MAOA: variants seen among roughly 807,000 people sequenced by gnomAD.
MAOA encodes the protein monoamine oxidase A, also known as amine oxidase [flavin-containing] A.
A neutral mutation model predicts 42.0 loss-of-function variants in MAOA; 6 were observed. The observed-to-expected ratio is 0.14, with a 90% CI of 0.08 to 0.28. The LOEUF (loss-of-function observed/expected upper bound fraction) is 0.28. MAOA is among the 10% of genes least tolerant of loss of function. The probability of loss-of-function intolerance (pLI) is 1.00; values close to 1 mark genes in which losing one functional copy is unlikely to be tolerated. For missense variants in MAOA, 262 were observed against 422.3 expected, an observed-to-expected ratio of 0.62 and a Z score of 3.33; for synonymous variants, 140 against 154.0, an observed-to-expected ratio of 0.91 and a Z score of 0.67.
chrX:43,674,479 T>A (rs2033371511), intron 1 of MAOA, among the ~76,000 whole-genome samples: 2 of 110,321 alleles, frequency 1.8e-5, no homozygotes, highest in Middle Eastern at 4.6e-3. Context: ...GTGAATTTGA[T>A]CCTGTCATTA....
intron 6 of MAOA, 35 bp from the exon 7 acceptor site, chrX:43,731,206 A>G: frequency 8.3e-7 from 1 of 1,200,894 alleles, no homozygotes; most frequent in Non-Finnish European, 1.1e-6. Context: ...TTGGGCTTTC[A>G]TAATGTTTCC....
chrX:43,681,397 C>G (rs548037252), intron 1 of MAOA, among the ~76,000 whole-genome samples: 1 of 111,149 alleles, frequency 9.0e-6, no homozygotes, highest in Admixed American at 9.6e-5. Flanking sequence ...TTCTTTATCT[C>G]CATGCTAAAA....
intron 1 of MAOA, 74 bp from the exon 2 acceptor site, chrX:43,683,439 G>A: frequency 1.4e-6 from 1 of 721,379 alleles, no homozygotes; most frequent in Non-Finnish European, 2.2e-6. Flanking sequence ...GCATTTATTT[G>A]ATGTGTAGAC....
chrX:43,655,928 CCTG>C (rs2033174858), upstream of MAOA: 1 of 202,833 alleles, frequency 4.9e-6, no homozygotes, highest in African/African-American at 2.9e-5. Flanking sequence ...ACAAGCACCT[CCTG>C]CACCCCATAA....
chrX:43,655,717 C>T (rs2033172810), upstream of MAOA: 3 of 114,349 alleles, frequency 2.6e-5, no homozygotes, highest in Non-Finnish European at 5.5e-5. Flanking sequence ...AACCTGACCT[C>T]AGTGTCCGAC....
In MAOA at chrX:43,693,805, G is replaced by A. The variant is rs548610222; in HGVS notation, c.306+377G>A. Among the ~76,000 whole-genome samples the A allele has an allele frequency of 8.7e-5, 9 of 103,780 alleles. No homozygotes were observed. In the East Asian group the frequency reaches 2.0e-3, roughly 24 times the overall value. The allele number at this position is 103,780 out of a possible 115,157, so 90.1% of individuals were successfully genotyped here. ...TACACACACACACACACACACACAC[G>A]CACACTCCCCTCCCCCAGCTACAGG... On this transcript the variant is annotated intron_variant, in intron 3 of 14. Coordinates refer to ENST00000338702, the MANE Select transcript of MAOA (RefSeq NM_000240.4).
At chrX:43,721,380 G>C (rs941892936) in intron 5 of MAOA, among the ~76,000 whole-genome samples, 1 of 111,812 alleles carries the variant, frequency 8.9e-6, no homozygotes, top group African/African-American at 3.3e-5. Flanking sequence ...TCTAGAGGCT[G>C]ATAGTGCAGG....
At chrX:43,689,285 C>T (rs1411323533) in intron 2 of MAOA, among the ~76,000 whole-genome samples, 1 of 111,619 alleles carries the variant, frequency 9.0e-6, no homozygotes, top group African/African-American at 3.3e-5. Flanking sequence ...AAACTTGGTC[C>T]ATCTATATTT....
intron 4 of MAOA, 96 bp downstream of exon 4, chrX:43,712,072 C>A: frequency 1.5e-6 from 1 of 659,200 alleles, no homozygotes; most frequent in Non-Finnish European, 2.5e-6. Context: ...TTGCTCTGGA[C>A]ACCAATGCAT....
rs368648935 is a variant in MAOA, at chrX:43,681,881, T to TATATA, written c.74-1632_74-1631insATATA. Reference sequence around the variant, plus strand: ...CAATAGCACTATATATATATATATATTTTTTTTTTTTTTTCTTTGAGACGG... The same window carrying TATATA: ...CAATAGCACTATATATATATATATATATATATTTTTTTTTTTTTTCTTTGAGACGG... On this transcript the variant is annotated intron_variant, in intron 1 of 14. Transcript: ENST00000338702. Among the ~76,000 whole-genome samples the TATATA allele has an allele frequency of 3.7e-3, 225 of 60,666 alleles. 2 individuals carry two copies. The highest frequency in any genetic ancestry group is 0.016 in the African/African-American group (211 of 13,137). The allele number at this position is 60,666 out of a possible 115,157, so 52.7% of individuals were successfully genotyped here.
chrX:43,683,957 GACACACACAC>G (rs58791067), intron 2 of MAOA, among the ~76,000 whole-genome samples: 17 of 103,854 alleles, frequency 1.6e-4, no homozygotes, highest in South Asian at 8.5e-4. Flanking sequence ...AATACACACA[GACACACACAC>G]ACACACACAC....
intron 2 of MAOA, among the ~76,000 whole-genome samples, chrX:43,692,182 C>G (rs867479269): frequency 9.0e-6 from 1 of 110,831 alleles, no homozygotes; most frequent in Admixed American, 9.7e-5. Context: ...CTCCCGAAGG[C>G]TGAGCAGTGC....
chrX:43,713,188 A>G (rs1376292177), intron 5 of MAOA, among the ~76,000 whole-genome samples: 5 of 112,257 alleles, frequency 4.5e-5, no homozygotes, highest in Non-Finnish European at 7.5e-5. Context: ...TTTCAGGGAC[A>G]TGGATGAAGC....
At chrX:43,742,096 A>T (rs773308162) in intron 12 of MAOA, 49 bp downstream of exon 12, 172 of 1,204,270 alleles carry the variant, frequency 1.4e-4, no homozygotes, top group Non-Finnish European at 1.8e-4. Context: ...TGCCAAATTT[A>T]AAAGGAAAAG....
intron 9 of MAOA, among the ~76,000 whole-genome samples, chrX:43,735,051 A>G (rs779437582): frequency 1.0e-3 from 116 of 112,212 alleles, no homozygotes; most frequent in Non-Finnish European, 1.8e-3. Flanking sequence ...AAAGTTCAAT[A>G]GTTCAGATTT....
chrX:43,691,913 T>A lies in MAOA; in HGVS notation c.169-1378T>A, dbSNP rs919367363. ...GTTGGGTAGCTCCAGGAAGGAAATGTTGAATAATACTAGACAATTTTCTGG... is the reference window on the plus strand; with the variant it reads ...GTTGGGTAGCTCCAGGAAGGAAATGATGAATAATACTAGACAATTTTCTGG... On this transcript the variant is annotated intron_variant, in intron 2 of 14. Transcript: ENST00000338702. 8.2e-5 allele frequency among the ~76,000 whole-genome samples: 9 copies of A among 110,072 alleles called. No individual in the cohort carries two copies. In the Admixed American group the frequency reaches 8.8e-4, roughly 11 times the overall value.
At chrX:43,663,565 G>A (rs1176966763) in intron 1 of MAOA, among the ~76,000 whole-genome samples, 4 of 111,385 alleles carry the variant, frequency 3.6e-5, no homozygotes, top group Admixed American at 9.6e-5. Flanking sequence ...CCTTGGATGC[G>A]TAAAATACTG....
intron 3 of MAOA, among the ~76,000 whole-genome samples, chrX:43,700,815 T>C (rs2033618856): frequency 1.8e-5 from 2 of 112,286 alleles, no homozygotes; most frequent in African/African-American, 6.5e-5. Flanking sequence ...TGCCTGATTT[T>C]AAAAATAACA....
chrX:43,697,354 T>G (rs1010089932), intron 3 of MAOA, among the ~76,000 whole-genome samples: 1 of 111,462 alleles, frequency 9.0e-6, no homozygotes, highest in African/African-American at 3.3e-5. Context: ...CTGGTGACCA[T>G]TTTGCTCAAT....
Sources: gnomAD v4.1 joint callset for allele counts (sites outside exome capture counted in the v4.1 genomes callset) on GRCh38, gnomAD v4.1.1 for gene constraint, MANE v1.5 for transcripts, NCBI Gene and HGNC (gene_info 2026-07-23, HGNC 2026-07-21) for gene names.